Variants in ENO4 observed in about 807,000 individuals in gnomAD.
ENO4 encodes the protein enolase 4, also known as 2-phospho-D-glycerate hydro-lyase.
Under a neutral mutation model 63.2 loss-of-function variants are expected in ENO4, and 53 were observed. The observed-to-expected ratio is 0.84, with a 90% CI of 0.67 to 1.05. The LOEUF is 1.05. Ranked by LOEUF, ENO4 falls within the 50% of genes least tolerant of loss-of-function variation. The probability of loss-of-function intolerance (pLI) is 0.00; values close to 1 mark genes in which losing one functional copy is unlikely to be tolerated. For synonymous variants in ENO4, 266 were observed against 283.8 expected, an observed-to-expected ratio of 0.94 and a Z score of 0.63; for missense variants, 719 against 772.0, an observed-to-expected ratio of 0.93 and a Z score of 0.81.
intron 13 of ENO4, among the ~76,000 whole-genome samples, chr10:116,881,057 C>T (rs1288650022): frequency 2.0e-5 from 3 of 152,322 alleles, no homozygotes; most frequent in Non-Finnish European, 4.4e-5. Flanking sequence ...AATCTCTCCA[C>T]TCCCACTTTA....
At chr10:116,896,800 AC>A in intron 10 of ENO4, among the ~76,000 whole-genome samples, 1 of 139,484 alleles carries the variant, frequency 7.2e-6, no homozygotes, top group African/African-American at 2.7e-5. Flanking sequence ...GTGATCAGGT[AC>A]TTTTTTTTTT....
At chr10:116,873,634 G>T (rs1617023) in intron 9 of ENO4, among the ~76,000 whole-genome samples, 151,758 of 152,356 alleles carry the variant, frequency 1, 75,584 homozygotes, top group Non-Finnish European at 1. Flanking sequence ...GCTTTCAAGC[G>T]TTAGAGTATT....
At chr10:116,860,456 C>A (rs1846379008) in intron 4 of ENO4, among the ~76,000 whole-genome samples, 1 of 152,170 alleles carries the variant, frequency 6.6e-6, no homozygotes, top group Non-Finnish European at 1.5e-5. Context: ...CAAGACAGTT[C>A]AAATCCTCTA....
Position 116,849,605 on chromosome 10 carries a change from T to C in ENO4, c.39T>C (p.Thr13=), listed in dbSNP as rs1589742216. The C allele has an allele frequency of 1.9e-6, 3 of 1,549,498 alleles. No homozygotes were observed. Among genetic ancestry groups the C allele is most frequent in the African/African-American group, 1.4e-5 (1 of 72,976 alleles). Reference sequence around the variant, plus strand: ...GCGGCGGCCGCAGCTGTGGGACCACTAGGGAGCTGCAGAAGCTGAAGCAGC... The same window carrying C: ...GCGGCGGCCGCAGCTGTGGGACCACCAGGGAGCTGCAGAAGCTGAAGCAGC... The part of the protein sequence containing the change: ...EEGGGRSCGT[T]RELQKLKQQA... Residue 13 remains threonine, a synonymous_variant, in exon 1 of 14, where the codon ACT becomes ACC. Coordinates refer to ENST00000341276, the MANE Select transcript of ENO4 (RefSeq NM_001242699.2).
chr10:116,902,272 G>A (rs1230885539), intron 10 of ENO4, among the ~76,000 whole-genome samples: 1 of 152,090 alleles, frequency 6.6e-6, no homozygotes, highest in Non-Finnish European at 1.5e-5. Context: ...CTCTCATAGA[G>A]TATGGCTTTC....
chr10:116,868,629 T>C (rs1390328710), intron 7 of ENO4, 21 bp from the exon 8 acceptor site: 12 of 1,549,992 alleles, frequency 7.7e-6, no homozygotes, highest in Non-Finnish European at 1.0e-5. Context: ...AGGTGATACA[T>C]TTTTATCTTC....
chr10:116,891,779 A>T (rs1371672795), intron 10 of ENO4, among the ~76,000 whole-genome samples: 1 of 152,178 alleles, frequency 6.6e-6, no homozygotes. Context: ...TCACAAAATA[A>T]AGTTTCAAAC....
At chr10:116,904,010 A>G (rs1847859465) in intron 10 of ENO4, among the ~76,000 whole-genome samples, 1 of 152,184 alleles carries the variant, frequency 6.6e-6, no homozygotes, top group African/African-American at 2.4e-5. Context: ...CCTAAGAAAA[A>G]TCCTAAGGAA....
chr10:116,911,559 T>C (rs755645119), exon 11 of ENO4: 1 of 1,550,738 alleles, frequency 6.4e-7, no homozygotes, highest in South Asian at 1.2e-5. Flanking sequence ...ACAATGACTT[T>C]GGTGAAAGTG....
chr10:116,889,440 G>A (rs1024823560), intron 10 of ENO4, among the ~76,000 whole-genome samples: 2 of 152,218 alleles, frequency 1.3e-5, no homozygotes, highest in African/African-American at 4.8e-5. Context: ...GGCGCAGTGG[G>A]CATTTTCTGA....
Position 116,856,652 on chromosome 10 carries a change from C to T in ENO4, c.455C>T (p.Ser152Phe), listed in dbSNP as rs1846267706. 7 of 1,534,624 alleles carry T rather than the reference C, an allele frequency of 4.6e-6. No individual in the cohort carries two copies. Among genetic ancestry groups the T allele is most frequent in the Non-Finnish European group, 4.4e-6 (5 of 1,146,340 alleles). Residue 152 changes from serine (S) to phenylalanine (F), a missense_variant, in exon 3 of 14, where the codon TCT becomes TTT. Ser to Phe is a radical substitution (Grantham distance 155, BLOSUM62 -2). This residue lies in a region of ENO4 where 544 missense variants were observed against 583.6 expected (regional missense o/e 0.93). Coordinates refer to ENST00000341276, the MANE Select transcript of ENO4 (RefSeq NM_001242699.2). Reference protein sequence around the residue: ...ITHELQGMAPSDQAEVDHLLR... With the variant: ...ITHELQGMAPFDQAEVDHLLR... ...CACGAGCTCCAGGGGATGGCACCCT[C>T]TGACCAGGCAGAGGTGGATCACCTA...
chr10:116,854,959 A>G lies in ENO4; in HGVS notation c.166-664A>G, dbSNP rs1364631060. The stretch of plus-strand genomic sequence containing the variant: ...CTGTCTCAAAAAAAAAAAAAAAAAA[A>G]AAAAAAAAAGAAAGAAAGAAAAAGA... On this transcript the variant is annotated intron_variant, in intron 1 of 13. Transcript: ENST00000341276. 3.3e-5 allele frequency among the ~76,000 whole-genome samples: 5 copies of G among 149,472 alleles called. No individual in the cohort carries two copies. The East Asian group carries it at 5.9e-4, about 18-fold the overall frequency.
chr10:116,886,581 G>A (rs761485147), downstream of ENO4: 43 of 1,611,004 alleles, frequency 2.7e-5, 1 homozygote, highest in Admixed American at 1.2e-4. Flanking sequence ...GAGATGAAGA[G>A]TTAGACAAAA....
At chr10:116,856,465 TG>T in intron 2 of ENO4, 26 bp from the exon 3 acceptor site, 1 of 1,524,594 alleles carries the variant, frequency 6.6e-7, no homozygotes, top group Middle Eastern at 1.7e-4. Flanking sequence ...GTAGGGAAAG[TG>T]TTGAACACAT....
intron 1 of ENO4, 189 bp downstream of exon 1, chr10:116,849,920 TCCC>T: frequency 1.3e-6 from 1 of 749,296 alleles, no homozygotes; most frequent in South Asian, 1.5e-5. Context: ...TGAAGGGATC[TCCC>T]CAGAGAAAGT....
chr10:116,879,801 A>G, intron 12 of ENO4, 68 bp from the exon 13 acceptor site: 1 of 1,207,316 alleles, frequency 8.3e-7, no homozygotes, highest in South Asian at 1.4e-5. Flanking sequence ...CTTTGTCTTT[A>G]AAGAATTGTT....
At chr10:116,849,836 C>G (rs1023578579) in intron 1 of ENO4, 105 bp downstream of exon 1, 265 of 1,310,108 alleles carry the variant, frequency 2.0e-4, no homozygotes, top group Middle Eastern at 2.5e-4. Flanking sequence ...TCTCGCATGC[C>G]AGCCGCCCGG....
Position 116,879,270 on chromosome 10 carries a change from TGAAA to T in ENO4, c.1538-16_1538-13del, listed in dbSNP as rs907681573. The T allele has an allele frequency of 1.3e-6, 2 of 1,536,952 alleles. No individual in the cohort carries two copies. The highest frequency in any genetic ancestry group is 1.4e-5 in the African/African-American group (1 of 72,526). ...CCTAACTTTCTACACCATATAAAACTGAAAGAAATTCCTCTTCCAGGTAAGAAGC... is the reference window on the plus strand; with the variant it reads ...CCTAACTTTCTACACCATATAAAACTGAAATTCCTCTTCCAGGTAAGAAGC... On this transcript the variant is annotated splice_polypyrimidine_tract_variant and intron_variant, in intron 11 of 13. Coordinates refer to ENST00000341276, the MANE Select transcript of ENO4 (RefSeq NM_001242699.2).
chr10:116,897,250 T>C (rs747108811), intron 10 of ENO4, among the ~76,000 whole-genome samples: 3 of 152,230 alleles, frequency 2.0e-5, no homozygotes, highest in Non-Finnish European at 4.4e-5. Context: ...TTGTAAGTCC[T>C]GAGGATGTAT....
Sources: gnomAD v4.1 joint callset for allele counts (sites outside exome capture counted in the v4.1 genomes callset) on GRCh38, gnomAD v4.1.1 for gene constraint, gnomAD v4.1.1 regional missense constraint, MANE v1.5 for transcripts, NCBI Gene and HGNC (gene_info 2026-07-23, HGNC 2026-07-21) for gene names.